The following SFRP1 variants were observed in gnomAD, a reference collection of about 807,000 sequenced individuals.
SFRP1 encodes the protein secreted frizzled related protein 1, also known as secreted frizzled-related protein 1.
Under a neutral mutation model 25.9 loss-of-function variants are expected in SFRP1, and 9 were observed. The ratio of observed to expected loss-of-function variants is 0.35; its 90% confidence interval spans 0.21 to 0.61. SFRP1 has a LOEUF of 0.61. SFRP1 is among the 20% of genes least tolerant of loss of function. SFRP1 has a pLI of 0.78. For missense variants in SFRP1, 346 were observed against 418.2 expected (o/e 0.83, Z 1.51); for synonymous variants, 178 against 174.0 (o/e 1.02, Z -0.18).
rs1187374701 is a variant in SFRP1, at chr8:41,309,243, C to T, written c.-84G>A. On this transcript the variant is annotated 5_prime_UTR_variant, in exon 1 of 3. Transcript: ENST00000220772. ...GCGTCCTGCCGCAAACTTCCAGGGA[C>T]CTCCGGGGACAAAAGGCGCAGTCCC... 3 of 1,243,212 alleles carry T rather than the reference C, an allele frequency of 2.4e-6. No homozygotes were observed. In the African/African-American group the frequency reaches 4.7e-5, roughly 20 times the overall value. The allele number at this position is 1,243,212 out of a possible 1,614,324, so 77.0% of individuals were successfully genotyped here.
intron 2 of SFRP1, among the ~76,000 whole-genome samples, chr8:41,282,560 A>C (rs1457299871): frequency 6.6e-6 from 1 of 152,148 alleles, no homozygotes; most frequent in Admixed American, 6.5e-5. Context: ...ATAGAAAAAA[A>C]TAAATAAATA....
At chr8:41,268,101 G>A (rs970563760) in intron 2 of SFRP1, among the ~76,000 whole-genome samples, 6 of 152,190 alleles carry the variant, frequency 3.9e-5, no homozygotes, top group South Asian at 2.1e-4. Flanking sequence ...CAAGGCGAGC[G>A]CCCTCTTGTC....
At chr8:41,291,950 A>C (rs1803784610) in intron 2 of SFRP1, among the ~76,000 whole-genome samples, 1 of 152,122 alleles carries the variant, frequency 6.6e-6, no homozygotes, top group South Asian at 2.1e-4. Flanking sequence ...GAGGTACCCT[A>C]GTGTGGCCAG....
Position 41,270,031 on chromosome 8 carries a change from A to T in SFRP1, c.623-4542T>A, listed in dbSNP as rs1475170801. Among the ~76,000 whole-genome samples the T allele has an allele frequency of 2.6e-5, 4 of 152,222 alleles. No homozygotes were observed. The East Asian group carries it at 7.7e-4, about 29-fold the overall frequency. The stretch of plus-strand genomic sequence containing the variant: ...AACACCCCTCAACCCTAAGTGCCGA[A>T]GAGCTTAAGAATGAGTCTGAAACTA... On this transcript the variant is annotated intron_variant, in intron 2 of 2. Transcript: ENST00000220772.
rs1443401405 is a variant in SFRP1, at chr8:41,265,147, C to A, written c.*20G>T. The A allele has an allele frequency of 1.4e-6, 2 of 1,419,996 alleles. No homozygotes were observed. Among genetic ancestry groups the A allele is most frequent in the Admixed American group, 4.1e-5 (2 of 48,934 alleles). The allele number at this position is 1,419,996 out of a possible 1,614,324, so 88.0% of individuals were successfully genotyped here. ...TCCCACCCCACCCGAGGCTCCCTCC[C>A]CACCCTGCCCCCGGGAGAATCACTT... On this transcript the variant is annotated 3_prime_UTR_variant, in exon 3 of 3. Coordinates refer to ENST00000220772, the MANE Select transcript of SFRP1 (RefSeq NM_003012.5).
chr8:41,268,196 CTTGT>C (rs931632443), intron 2 of SFRP1, among the ~76,000 whole-genome samples: 10 of 152,148 alleles, frequency 6.6e-5, no homozygotes, highest in Non-Finnish European at 1.5e-4. Context: ...TCTACGACTC[CTTGT>C]TTAATACTCG....
In SFRP1 at chr8:41,268,213, G is replaced by A. The variant is rs552438621; in HGVS notation, c.623-2724C>T. On this transcript the variant is annotated intron_variant, in intron 2 of 2. Transcript: ENST00000220772. ...TACGACTCCTTGTTTAATACTCGCA[G>A]CAACCATGTTAAGAAGGCATCAATA... 4.6e-5 allele frequency among the ~76,000 whole-genome samples: 7 copies of A among 152,244 alleles called. No homozygotes were observed. In the South Asian group the frequency reaches 1.5e-3, roughly 32 times the overall value.
At chr8:41,270,271 T>C (rs1585504585) in intron 2 of SFRP1, among the ~76,000 whole-genome samples, 2 of 152,332 alleles carry the variant, frequency 1.3e-5, no homozygotes, top group East Asian at 3.9e-4. Context: ...CCCACTCTTC[T>C]TGAAGTCAGT....
In SFRP1 at chr8:41,279,709, G is replaced by C. The variant is rs115699028; in HGVS notation, c.623-14220C>G. Among the ~76,000 whole-genome samples the C allele has an allele frequency of 9.1e-3, 1,374 of 150,890 alleles. 21 individuals are homozygous for C. The highest frequency in any genetic ancestry group is 0.032 in the African/African-American group (1,301 of 40,782). ...CTCCAAGAGCTTTCTAGGTATAAAG[G>C]GATTTAGAGAGGGAAGCATCTCTCT... On this transcript the variant is annotated intron_variant, in intron 2 of 2. Transcript: ENST00000220772.
chr8:41,265,113 C>T lies in SFRP1; in HGVS notation c.*54G>A, dbSNP rs1803417882. ...ACCCACCGGGTTCCCGGGGCACTGT[C>T]CCCCCCGCTCCCACCCCACCCGAGG... On this transcript the variant is annotated 3_prime_UTR_variant, in exon 3 of 3. Coordinates refer to ENST00000220772, the MANE Select transcript of SFRP1 (RefSeq NM_003012.5). 10 of 432,446 alleles carry T rather than the reference C, an allele frequency of 2.3e-5. No homozygotes were observed. Among genetic ancestry groups the T allele is most frequent in the East Asian group, 1.5e-4 (3 of 20,062 alleles). The allele number at this position is 432,446 out of a possible 1,614,324, so 26.8% of individuals were successfully genotyped here.
In SFRP1 at chr8:41,262,712, T is replaced by C. The variant is rs978030998; in HGVS notation, c.*2455A>G. 2.0e-5 allele frequency: 3 copies of C among 152,184 alleles called. No individual in the cohort carries two copies. Among genetic ancestry groups the C allele is most frequent in the Admixed American group, 6.5e-5 (1 of 15,274 alleles). The allele number at this position is 152,184 out of a possible 1,614,324, so 9.4% of individuals were successfully genotyped here. On this transcript the variant is annotated 3_prime_UTR_variant, in exon 3 of 3. Coordinates refer to ENST00000220772, the MANE Select transcript of SFRP1 (RefSeq NM_003012.5). ...GCAAACCTCCTCTCTCGGAGACCAA[T>C]GACCAGGCCAATCAGTCTGCACATT...
intron 2 of SFRP1, among the ~76,000 whole-genome samples, chr8:41,300,637 G>T (rs575490793): frequency 5.6e-4 from 85 of 152,292 alleles, no homozygotes; most frequent in African/African-American, 2.0e-3. Flanking sequence ...CAACCCAAAG[G>T]GAAGACGGCT....
chr8:41,308,677 G>T lies in SFRP1; in HGVS notation c.483C>A (p.Pro161=). 1 of 1,610,948 alleles carries T rather than the reference G, an allele frequency of 6.2e-7. No individual in the cohort carries two copies. The highest frequency in any genetic ancestry group is 8.5e-7 in the Non-Finnish European group (1 of 1,178,380). The stretch of plus-strand genomic sequence containing the variant: ...TCATGGCGATGCAGACGTCCCCCTC[G>T]GGGAACTTGTCACACTTAAGCATCT... ...WPEMLKCDKF[P]EGDVCIAMTP... Residue 161 remains proline (P), a synonymous_variant, in exon 1 of 3, where the codon CCC becomes CCA. Transcript: ENST00000220772.
At chr8:41,270,571 G>C (rs2117481517) in intron 2 of SFRP1, among the ~76,000 whole-genome samples, 1 of 152,228 alleles carries the variant, frequency 6.6e-6, no homozygotes, top group South Asian at 2.1e-4. Flanking sequence ...CACAGAGGCT[G>C]TCAATGTTGG....
At chr8:41,278,144 G>A (rs1287540975) in intron 2 of SFRP1, among the ~76,000 whole-genome samples, 2 of 152,218 alleles carry the variant, frequency 1.3e-5, no homozygotes, top group Non-Finnish European at 2.9e-5. Context: ...GTGGAAGCCA[G>A]CAAAATTGGC....
In SFRP1 at chr8:41,308,776, C is replaced by T. The variant is rs766649756; in HGVS notation, c.384G>A (p.Pro128=). 1 of 1,611,072 alleles carries T rather than the reference C, an allele frequency of 6.2e-7. No homozygotes were observed. The change falls in exon 1 of 3, where the codon CCG becomes CCA. Residue 128 remains proline (P), a synonymous_variant. Transcript: ENST00000220772. The part of the protein sequence containing the change: ...APVCLDRPIY[P]CRWLCEAVRD... ...GCACGGCCTCGCAGAGCCAGCGACA[C>T]GGGTAGATGGGCCGGTCCAGGCAGA...
chr8:41,308,482 C>G (rs960639899), intron 1 of SFRP1, 134 bp downstream of exon 1: 2 of 704,938 alleles, frequency 2.8e-6, no homozygotes, highest in Non-Finnish European at 4.6e-6. Context: ...GCACAGCATG[C>G]GAGCAACCTC....
At position 41,309,398 on chromosome 8, in the gene SFRP1, G is replaced by T; in HGVS notation, c.-239C>A. On this transcript the variant is annotated 5_prime_UTR_variant, in exon 1 of 3. Coordinates refer to ENST00000220772, the MANE Select transcript of SFRP1 (RefSeq NM_003012.5). ...CGGGCTGGGTGCGCCCCGGCTCCCGGAGGTGCGGCGAGCAGGAAGGCGCGG... is the reference window on the plus strand; with the variant it reads ...CGGGCTGGGTGCGCCCCGGCTCCCGTAGGTGCGGCGAGCAGGAAGGCGCGG... 1 of 203,226 alleles carries T rather than the reference G, an allele frequency of 4.9e-6. No individual in the cohort carries two copies. Among genetic ancestry groups the T allele is most frequent in the South Asian group, 1.6e-4 (1 of 6,320 alleles). The allele number at this position is 203,226 out of a possible 1,614,324, so 12.6% of individuals were successfully genotyped here.
chr8:41,299,757 T>C (rs567030256), intron 2 of SFRP1, among the ~76,000 whole-genome samples: 1 of 151,714 alleles, frequency 6.6e-6, no homozygotes, highest in African/African-American at 2.4e-5. Context: ...ATGCCTACCA[T>C]GTATAAGACA....
Sources: allele counts gnomAD v4.1 joint callset (sites outside exome capture counted in the v4.1 genomes callset), GRCh38; gene constraint gnomAD v4.1.1; transcripts MANE v1.5; gene names NCBI Gene and HGNC (gene_info 2026-07-23, HGNC 2026-07-21).